The following XKR4 variants were observed in gnomAD, a reference collection of about 807,000 sequenced individuals.
XKR4 encodes the protein XK related 4.
XKR4 carries 12 observed loss-of-function variants against 53.9 expected under a neutral mutation model. That is an observed-to-expected ratio of 0.22 (90% confidence interval 0.14 to 0.36). The LOEUF (loss-of-function observed/expected upper bound fraction) is 0.36, where lower values mean the gene tolerates loss of function less well. XKR4 is among the 10% of genes least tolerant of loss of function. XKR4 has a pLI of 1.00. For missense variants in XKR4, 799 were observed against 859.5 expected (o/e 0.93, Z 0.88); for synonymous variants, 354 against 362.4 (o/e 0.98, Z 0.26).
intron 1 of XKR4, among the ~76,000 whole-genome samples, chr8:55,158,518 CA>C (rs1314140562): frequency 6.6e-6 from 1 of 152,092 alleles, no homozygotes; most frequent in African/African-American, 2.4e-5. Flanking sequence ...TCCCATTTGT[CA>C]TGTTTTGTTT....
At chr8:55,340,073 G>GATT (rs1803520215) in intron 1 of XKR4, among the ~76,000 whole-genome samples, 1 of 152,174 alleles carries the variant, frequency 6.6e-6, no homozygotes, top group South Asian at 2.1e-4. Context: ...TGCCCATTCT[G>GATT]TATTGATTTA....
intron 1 of XKR4, among the ~76,000 whole-genome samples, chr8:55,163,501 T>A (rs1254687657): frequency 6.6e-6 from 1 of 152,230 alleles, no homozygotes; most frequent in African/African-American, 2.4e-5. Context: ...TGTGTTTTTT[T>A]GTTCCATAGC....
intron 1 of XKR4, among the ~76,000 whole-genome samples, chr8:55,242,612 C>T (rs954287805): frequency 2.6e-5 from 4 of 152,192 alleles, no homozygotes; most frequent in Admixed American, 6.5e-5. Flanking sequence ...GCCATTATCA[C>T]TTTCAAAATG....
chr8:55,254,528 G>A (rs1003189726), intron 1 of XKR4, among the ~76,000 whole-genome samples: 1 of 152,108 alleles, frequency 6.6e-6, no homozygotes, highest in African/African-American at 2.4e-5. Context: ...CATGGAACTC[G>A]TGATCCTTTT....
intron 2 of XKR4, among the ~76,000 whole-genome samples, chr8:55,365,407 T>A (rs1294435402): frequency 6.6e-6 from 1 of 152,192 alleles, no homozygotes. Context: ...ACATGTTAGA[T>A]AATTTTAAAG....
At chr8:55,232,770 AGGT>A (rs1818061854) in intron 1 of XKR4, among the ~76,000 whole-genome samples, 1 of 152,180 alleles carries the variant, frequency 6.6e-6, no homozygotes, top group South Asian at 2.1e-4. Context: ...TCCAAGTCTT[AGGT>A]ATTCCCACAT....
At chr8:55,138,888 G>A (rs968669233) in intron 1 of XKR4, among the ~76,000 whole-genome samples, 5 of 152,224 alleles carry the variant, frequency 3.3e-5, no homozygotes, top group African/African-American at 1.2e-4. Context: ...ATGCAGGGAT[G>A]AGAGAAGATA....
chr8:55,529,456 T>A lies in XKR4; in HGVS notation c.*5229T>A, dbSNP rs1031890973. 6.6e-5 allele frequency: 10 copies of A among 152,188 alleles called. No homozygotes were observed. Among genetic ancestry groups the A allele is most frequent in the African/African-American group, 2.4e-4 (10 of 41,456 alleles). The allele number at this position is 152,188 out of a possible 1,614,324, so 9.4% of individuals were successfully genotyped here. A position where few individuals can be genotyped will look rare whatever the true frequency, so the allele number is the denominator to read the frequency against. The stretch of plus-strand genomic sequence containing the variant: ...CTTTCTTATGGTTCCATCTCCCACA[T>A]TGAGAGTAGCTCACCACGATGGATG... On this transcript the variant is annotated 3_prime_UTR_variant, in exon 3 of 3. Coordinates refer to ENST00000327381, the MANE Select transcript of XKR4 (RefSeq NM_052898.2).
intron 2 of XKR4, among the ~76,000 whole-genome samples, chr8:55,399,710 C>T (rs930855346): frequency 6.6e-6 from 1 of 152,224 alleles, no homozygotes; most frequent in East Asian, 1.9e-4. Flanking sequence ...GGCAGCCTGG[C>T]TGGATAATGG....
chr8:55,347,741 G>C (rs2129383107), intron 1 of XKR4, among the ~76,000 whole-genome samples: 1 of 152,312 alleles, frequency 6.6e-6, no homozygotes, highest in South Asian at 2.1e-4. Flanking sequence ...TTAATCCACT[G>C]TTCTCTCATG....
rs535241471 is a variant in XKR4 at position 55,492,923 on chromosome 8, G to C, written c.1007-30358G>C. On this transcript the variant is annotated intron_variant, in intron 2 of 2. Coordinates refer to ENST00000327381, the MANE Select transcript of XKR4 (RefSeq NM_052898.2). ...TCAGCACCAGGGGCCTTGTGAATCT[G>C]TGAGCACTGTGCCAGCACAGCCTTA... Among the ~76,000 whole-genome samples the C allele has an allele frequency of 5.9e-5, 9 of 152,334 alleles. No homozygotes were observed. The South Asian group carries it at 1.9e-3, about 32-fold the overall frequency.
At chr8:55,473,803 C>G (rs956592193) in intron 2 of XKR4, among the ~76,000 whole-genome samples, 1 of 151,172 alleles carries the variant, frequency 6.6e-6, no homozygotes, top group Non-Finnish European at 1.5e-5. Flanking sequence ...TCCTTCCTTC[C>G]TTCCTTCTTT....
chr8:55,268,588 A>G (rs556482919), intron 1 of XKR4, among the ~76,000 whole-genome samples: 2 of 152,318 alleles, frequency 1.3e-5, no homozygotes, highest in South Asian at 4.2e-4. Context: ...TAGGTAATAA[A>G]AAGAATTTTA....
At chr8:55,125,891 C>A (rs764830074) in intron 1 of XKR4, among the ~76,000 whole-genome samples, 3 of 152,148 alleles carry the variant, frequency 2.0e-5, no homozygotes, top group African/African-American at 7.2e-5. Flanking sequence ...CTCTTGAAAC[C>A]AAATACAAGG....
At chr8:55,164,261 C>T in intron 1 of XKR4, 1 of 456,410 alleles carries the variant, frequency 2.2e-6, no homozygotes. Flanking sequence ...CTTTCTCTGT[C>T]TCTCTTTGCC....
chr8:55,244,575 A>G (rs529513959), intron 1 of XKR4, among the ~76,000 whole-genome samples: 17 of 152,332 alleles, frequency 1.1e-4, no homozygotes, highest in African/African-American at 4.1e-4. Flanking sequence ...TCCTTTGCGT[A>G]TATACCTAAT....
chr8:55,333,453 C>A (rs1445233958), intron 1 of XKR4, among the ~76,000 whole-genome samples: 2 of 152,128 alleles, frequency 1.3e-5, no homozygotes, highest in East Asian at 3.8e-4. Flanking sequence ...TACCTTGGGC[C>A]TATGAGTGTG....
chr8:55,454,654 A>T (rs1395310056), intron 2 of XKR4: 1 of 1,021,858 alleles, frequency 9.8e-7, no homozygotes, highest in Admixed American at 1.7e-5. Context: ...GCACGTCAGC[A>T]GGTTCCCAAT....
chr8:55,139,708 G>C (rs926731546), intron 1 of XKR4, among the ~76,000 whole-genome samples: 2 of 151,600 alleles, frequency 1.3e-5, no homozygotes, highest in Admixed American at 1.3e-4. Context: ...TTCTTTGAGA[G>C]AATACTGAAC....
Sources: allele counts gnomAD v4.1 joint callset (sites outside exome capture counted in the v4.1 genomes callset), GRCh38; gene constraint gnomAD v4.1.1; transcripts MANE v1.5; gene names NCBI Gene and HGNC (gene_info 2026-07-23, HGNC 2026-07-21).